Variants in SLC35D1 observed in about 807,000 individuals in gnomAD.
The protein encoded by SLC35D1 is solute carrier family 35 member D1, also known as nucleotide sugar transporter SLC35D1.
A neutral mutation model predicts 46.7 loss-of-function variants in SLC35D1; 31 were observed. The ratio of observed to expected loss-of-function variants is 0.66; its 90% CI spans 0.50 to 0.90. The LOEUF is 0.90. SLC35D1 is among the 40% of genes least tolerant of loss of function. The pLI is 0.00. For missense variants in SLC35D1, 397 were observed against 426.2 expected (o/e 0.93, Z 0.60); for synonymous variants, 195 against 164.6 (o/e 1.18, Z -1.41).
intron 10 of SLC35D1, among the ~76,000 whole-genome samples, chr1:67,019,264 C>T (rs1667749291): frequency 6.6e-6 from 1 of 152,208 alleles, no homozygotes; most frequent in South Asian, 2.1e-4. Flanking sequence ...AAGCCATCCA[C>T]TTTGCCCTTG....
intron 7 of SLC35D1, among the ~76,000 whole-genome samples, chr1:67,044,311 C>T (rs1469787103): frequency 1.4e-5 from 2 of 138,746 alleles, no homozygotes; most frequent in African/African-American, 5.6e-5. Context: ...CCAGGCTGGG[C>T]GACAGAGTGA....
the SLC35D1 span, among the ~76,000 whole-genome samples, chr1:66,977,670 C>T: frequency 3.3e-5 from 5 of 152,078 alleles, no homozygotes; most frequent in African/African-American, 9.7e-5. Flanking sequence ...CTACCACTGG[C>T]AATTTGTTAC....
chr1:67,046,483 A>T (rs910506642), intron 7 of SLC35D1, among the ~76,000 whole-genome samples: 1 of 152,356 alleles, frequency 6.6e-6, no homozygotes, highest in South Asian at 2.1e-4. Flanking sequence ...ATTATGAGAT[A>T]AAAATGTACC....
At chr1:67,012,856 T>G (rs1667595814) in intron 10 of SLC35D1, among the ~76,000 whole-genome samples, 1 of 152,106 alleles carries the variant, frequency 6.6e-6, no homozygotes, top group South Asian at 2.1e-4. Context: ...TCAGCCCCTT[T>G]TGGCTCAGTA....
intron 10 of SLC35D1, among the ~76,000 whole-genome samples, chr1:67,019,947 C>T (rs1267646815): frequency 1.3e-5 from 2 of 152,074 alleles, no homozygotes; most frequent in Non-Finnish European, 2.9e-5. Flanking sequence ...TAAGGTTTGG[C>T]TCAGGCATAG....
At chr1:67,027,254 T>C (rs1327996831) in intron 8 of SLC35D1, among the ~76,000 whole-genome samples, 1 of 152,178 alleles carries the variant, frequency 6.6e-6, no homozygotes, top group African/African-American at 2.4e-5. Context: ...ATTTCTGATA[T>C]TGATAATTTA....
chr1:67,027,943 G>T (rs1667945998), intron 8 of SLC35D1, among the ~76,000 whole-genome samples: 1 of 151,988 alleles, frequency 6.6e-6, no homozygotes, highest in Admixed American at 6.6e-5. Flanking sequence ...TGTTGACCAG[G>T]TTGGTCTCAA....
chr1:67,012,147 T>C (rs944351201), intron 10 of SLC35D1, among the ~76,000 whole-genome samples: 3 of 152,200 alleles, frequency 2.0e-5, no homozygotes, highest in Non-Finnish European at 4.4e-5. Flanking sequence ...TAGGACAGTC[T>C]GTCATAAAGT....
Position 67,047,353 on chromosome 1 carries a change from A to T in SLC35D1, c.548T>A (p.Phe183Tyr). ...AFVAASSDLA[F>Y]DLEGYAFILI... ...AATAAAAGCATATCCTTCCAGATCAAATGCCAAGTCAGAGCTGCAAAACAT... is the reference window on the plus strand; with the variant it reads ...AATAAAAGCATATCCTTCCAGATCATATGCCAAGTCAGAGCTGCAAAACAT... Residue 183 changes from phenylalanine (F) to tyrosine (Y), a missense_variant, in exon 7 of 12, where the codon TTT (phenylalanine) becomes TAT (tyrosine). Transcript: ENST00000235345. 1 of 1,613,172 alleles carries T rather than the reference A, an allele frequency of 6.2e-7. No homozygotes were observed. The highest frequency in any genetic ancestry group is 8.5e-7 in the Non-Finnish European group (1 of 1,179,854).
In SLC35D1 at chr1:67,013,157, G is replaced by T. The variant is rs199948368; in HGVS notation, c.877-3990C>A. On this transcript the variant is annotated intron_variant, in intron 10 of 11. Transcript: ENST00000235345. Reference sequence around the variant, plus strand: ...ATAATTTAAGAACATATATCCTGGAGATATATATATATCCTGTTCTTAAAT... The same window carrying T: ...ATAATTTAAGAACATATATCCTGGATATATATATATATCCTGTTCTTAAAT... 2.1e-3 allele frequency among the ~76,000 whole-genome samples: 62 copies of T among 29,794 alleles called. 2 individuals are homozygous for T. The highest frequency in any genetic ancestry group is 3.2e-3 in the Admixed American group (7 of 2,196). 19.5% of individuals were successfully genotyped at this position (29,794 alleles called of 152,430 possible). A position where few individuals can be genotyped will look rare whatever the true frequency, so the allele number is the denominator to read the frequency against.
chr1:67,011,655 T>A (rs1667568324), intron 10 of SLC35D1, among the ~76,000 whole-genome samples: 1 of 151,932 alleles, frequency 6.6e-6, no homozygotes, highest in East Asian at 1.9e-4. Flanking sequence ...GCTAATTTTT[T>A]TTATTTTTGA....
At chr1:67,005,075 CT>C (rs1338186257) in intron 11 of SLC35D1, among the ~76,000 whole-genome samples, 3 of 152,174 alleles carry the variant, frequency 2.0e-5, no homozygotes, top group Non-Finnish European at 4.4e-5. Flanking sequence ...GGTCCATTCT[CT>C]GTGGGGACCT....
At chr1:67,047,598 G>C (rs76885353) in intron 6 of SLC35D1, among the ~76,000 whole-genome samples, 1 of 152,106 alleles carries the variant, frequency 6.6e-6, no homozygotes, top group Non-Finnish European at 1.5e-5. Flanking sequence ...AATTAGCAAC[G>C]GTCATTCATG....
chr1:67,009,033 T>G, intron 11 of SLC35D1, 52 bp downstream of exon 11: 2 of 842,988 alleles, frequency 2.4e-6, no homozygotes, highest in South Asian at 2.8e-5. Flanking sequence ...ATTGTGACAC[T>G]ATTTGAATAT....
intron 10 of SLC35D1, among the ~76,000 whole-genome samples, chr1:67,013,158 A>ATATATATATATATATGTATATATATG: frequency 2.9e-5 from 3 of 103,640 alleles, no homozygotes; most frequent in African/African-American, 5.6e-5. Context: ...TATCCTGGAG[A>ATATATATATATATATGTATATATATG]TATATATATA....
the SLC35D1 span, among the ~76,000 whole-genome samples, chr1:66,973,171 G>A: frequency 6.6e-6 from 1 of 152,004 alleles, no homozygotes; most frequent in South Asian, 2.1e-4. Context: ...ATAATTACCT[G>A]TTGGTGACTG....
At chr1:67,043,753 T>C (rs1482064702) in intron 7 of SLC35D1, among the ~76,000 whole-genome samples, 6 of 152,174 alleles carry the variant, frequency 3.9e-5, no homozygotes, top group Admixed American at 3.9e-4. Context: ...TCTTAGCTAC[T>C]AGGGAGCAAC....
intron 10 of SLC35D1, among the ~76,000 whole-genome samples, chr1:67,020,103 T>C (rs1667767135): frequency 1.3e-5 from 2 of 152,204 alleles, no homozygotes; most frequent in African/African-American, 2.4e-5. Flanking sequence ...CTGTCAGAAA[T>C]AGACCTAATT....
chr1:66,991,751 A>AAT, the SLC35D1 span, among the ~76,000 whole-genome samples: 1 of 151,502 alleles, frequency 6.6e-6, no homozygotes, highest in Admixed American at 6.6e-5. Flanking sequence ...GATAGCCTAA[A>AAT]ATATTATTTT....
Sources: gnomAD v4.1 joint callset for allele counts (sites outside exome capture counted in the v4.1 genomes callset) on GRCh38, gnomAD v4.1.1 for gene constraint, MANE v1.5 for transcripts, NCBI Gene and HGNC (gene_info 2026-07-23, HGNC 2026-07-21) for gene names.